Variants in KLF7 observed in about 807,000 individuals in gnomAD.
KLF7 encodes Krueppel-like factor 7.
KLF7 carries 2 observed loss-of-function variants against 27.3 expected under a neutral mutation model. The observed-to-expected ratio is 0.07, with a 90% CI of 0.03 to 0.23. The LOEUF (loss-of-function observed/expected upper bound fraction) is 0.23. KLF7 is among the 10% of genes least tolerant of loss of function. The pLI, the probability that KLF7 is intolerant of heterozygous loss-of-function variation, is 1.00. For missense variants in KLF7, 221 were observed against 394.1 expected, an observed-to-expected ratio of 0.56 and a Z score of 3.72; for synonymous variants, 165 against 162.4, an observed-to-expected ratio of 1.02 and a Z score of -0.12.
intron 1 of KLF7, among the ~76,000 whole-genome samples, chr2:207,157,475 A>T (rs2078421478): frequency 6.6e-6 from 1 of 152,170 alleles, no homozygotes; most frequent in African/African-American, 2.4e-5. Context: ...AAGCAGGAAA[A>T]GCATAGTCAC....
rs748584636 is a variant in KLF7 at position 207,124,057 on chromosome 2, T to C, written c.450A>G (p.Lys150=). ...CCACGGCAGAGAGAGTTTGTGAGGT[T>C]TTGACCAGATGGCGGCTGAGCTCAG... ...SSPELSRHLV[K]TSQTLSAVDG... is the part of the protein sequence containing the mutation. The change falls in exon 2 of 4, where the codon AAA becomes AAG. Residue 150 remains lysine (K), a synonymous_variant. Transcript: ENST00000309446. 1 of 1,614,094 alleles carries C rather than the reference T, an allele frequency of 6.2e-7. No homozygotes were observed. Among genetic ancestry groups the C allele is most frequent in the Non-Finnish European group, 8.5e-7 (1 of 1,180,016 alleles).
chr2:207,117,998 G>C (rs999652681), intron 2 of KLF7, among the ~76,000 whole-genome samples: 1 of 152,180 alleles, frequency 6.6e-6, no homozygotes, highest in African/African-American at 2.4e-5. Context: ...CCTGTTCGCA[G>C]AAAGACTGAA....
At chr2:207,173,315 A>G in the KLF7 span, among the ~76,000 whole-genome samples, 1 of 152,208 alleles carries the variant, frequency 6.6e-6, no homozygotes, top group South Asian at 2.1e-4. Flanking sequence ...GCCTACAGGA[A>G]AAAATGAACT....
In KLF7 at chr2:207,089,658, G is replaced by C. The variant is rs1032557805; in HGVS notation, c.734-1077C>G. ...CCAAACTTCTTGGGATCAGCTTCTA[G>C]TTCTGTCCTTAATTGTCTGACCTTG... On this transcript the variant is annotated intron_variant, in intron 2 of 3. Transcript: ENST00000309446. 2.0e-5 allele frequency among the ~76,000 whole-genome samples: 3 copies of C among 152,170 alleles called. No homozygotes were observed. The South Asian group carries it at 6.2e-4, about 32-fold the overall frequency.
At chr2:207,118,615 G>C (rs1292821058) in intron 2 of KLF7, among the ~76,000 whole-genome samples, 2 of 152,184 alleles carry the variant, frequency 1.3e-5, no homozygotes, top group Admixed American at 1.3e-4. Flanking sequence ...AACCATCTAT[G>C]ATGAGCTGTG....
At chr2:207,111,327 G>C (rs2244781) in intron 2 of KLF7, among the ~76,000 whole-genome samples, 60,431 of 152,042 alleles carry the variant, frequency 0.4, 12,615 homozygotes, top group African/African-American at 0.52. Context: ...CATCTGTGTG[G>C]AATGCTCTCC....
intron 1 of KLF7, among the ~76,000 whole-genome samples, chr2:207,131,063 T>C (rs1046903102): frequency 6.6e-6 from 1 of 152,274 alleles, no homozygotes; most frequent in African/African-American, 2.4e-5. Context: ...ATTAAACAAA[T>C]TGGGGACAGA....
chr2:207,123,659 T>C (rs2077398830), intron 2 of KLF7, 115 bp downstream of exon 2: 2 of 1,175,996 alleles, frequency 1.7e-6, no homozygotes, highest in Non-Finnish European at 2.4e-6. Flanking sequence ...CCCGCCTGTC[T>C]ATCACCTCCT....
At chr2:207,138,380 A>G (rs554746885) in intron 1 of KLF7, among the ~76,000 whole-genome samples, 1 of 152,348 alleles carries the variant, frequency 6.6e-6, no homozygotes, top group African/African-American at 2.4e-5. Context: ...CATGGGAAAA[A>G]GGTGGTCCTT....
upstream of KLF7, chr2:207,167,238 G>T: frequency 9.2e-7 from 1 of 1,091,306 alleles, no homozygotes; most frequent in Non-Finnish European, 1.2e-6. Context: ...AGAGAGATCT[G>T]TTACATCTGA....
Position 207,124,364 on chromosome 2 carries a change from C to T in KLF7, c.143G>A (p.Arg48Gln), listed in dbSNP as rs746774122. The change falls in exon 2 of 4, where the codon CGG becomes CAG. Residue 48 changes from arginine to glutamine, a missense_variant. Physicochemically the swap from Arg to Gln is conservative, Grantham distance 43 (BLOSUM62 1). Transcript: ENST00000309446. ...CTCACCAAAGGTCTCTGAGATCCTC[C>T]GGGGCTCCGTCTGTAGGTAGCGTTC... ...ELERYLQTEP[R>Q]RISETFGEDL... The T allele has an allele frequency of 1.7e-5, 27 of 1,588,174 alleles. No individual in the cohort carries two copies. The highest frequency in any genetic ancestry group is 2.3e-5 in the Non-Finnish European group (27 of 1,162,772).
chr2:207,146,808 G>T (rs1395454978), intron 1 of KLF7, among the ~76,000 whole-genome samples: 1 of 152,218 alleles, frequency 6.6e-6, no homozygotes, highest in Non-Finnish European at 1.5e-5. Flanking sequence ...TTCCTGGAGG[G>T]CTTTACTCTG....
intron 2 of KLF7, chr2:207,110,052 G>T (rs1295756820): frequency 6.5e-6 from 1 of 154,844 alleles, no homozygotes; most frequent in Non-Finnish European, 1.5e-5. Context: ...ATTGTCCATT[G>T]TATCTGGGGA....
intron 1 of KLF7, among the ~76,000 whole-genome samples, chr2:207,126,573 T>C (rs965106035): frequency 1.3e-5 from 2 of 152,210 alleles, no homozygotes; most frequent in African/African-American, 4.8e-5. Context: ...TACCAGATCT[T>C]TGAGACACAG....
chr2:207,109,309 CAAGTA>C (rs2076966423), intron 2 of KLF7, among the ~76,000 whole-genome samples: 1 of 152,068 alleles, frequency 6.6e-6, no homozygotes, highest in African/African-American at 2.4e-5. Context: ...TTATACTGAA[CAAGTA>C]AAATAACAAC....
chr2:207,147,820 C>T (rs1427306823), intron 1 of KLF7, among the ~76,000 whole-genome samples: 2 of 152,202 alleles, frequency 1.3e-5, no homozygotes, highest in African/African-American at 2.4e-5. Flanking sequence ...ACCAGCCCCT[C>T]GCCTCGGTGG....
Position 207,124,085 on chromosome 2 carries a change from G to A in KLF7, c.422C>T (p.Ser141Phe). ...GACCAGATGGCGGCTGAGCTCAGGG[G>A]ACGATGGGGGCGTTAATGAGGTCAC... ...NAVTSLTPPS[S>F]PELSRHLVKT... is the part of the protein sequence containing the mutation. The change falls in exon 2 of 4, where the codon TCC (serine) becomes TTC (phenylalanine). Residue 141 changes from serine (S) to phenylalanine (F), a missense_variant. Transcript: ENST00000309446. 1 of 1,614,186 alleles carries A rather than the reference G, an allele frequency of 6.2e-7. No individual in the cohort carries two copies. Among genetic ancestry groups the A allele is most frequent in the Non-Finnish European group, 8.5e-7 (1 of 1,180,040 alleles).
chr2:207,090,068 C>A (rs1423940547), intron 2 of KLF7, among the ~76,000 whole-genome samples: 1 of 152,080 alleles, frequency 6.6e-6, no homozygotes, highest in African/African-American at 2.4e-5. Flanking sequence ...TCAAACCAAA[C>A]ATGCTTGAAA....
At chr2:207,145,647 T>C (rs1378290623) in intron 1 of KLF7, among the ~76,000 whole-genome samples, 2 of 152,242 alleles carry the variant, frequency 1.3e-5, no homozygotes, top group Admixed American at 1.3e-4. Context: ...CAGATGTGAC[T>C]GTGAATGTCA....
Sources: gnomAD v4.1 joint callset for allele counts (sites outside exome capture counted in the v4.1 genomes callset) on GRCh38, gnomAD v4.1.1 for gene constraint, MANE v1.5 for transcripts, NCBI Gene and HGNC (gene_info 2026-07-23, HGNC 2026-07-21) for gene names.